RBFOX1: variants seen among roughly 807,000 people sequenced by gnomAD.
RBFOX1 encodes RNA binding protein fox-1 homolog 1.
In RBFOX1, 8 loss-of-function variants were observed where a neutral mutation model predicts 57.7. That is an observed-to-expected ratio of 0.14 (90% CI 0.08 to 0.25). RBFOX1 has a LOEUF of 0.25. Ranked by LOEUF, RBFOX1 falls within the 10% of genes least tolerant of loss-of-function variation. RBFOX1 has a pLI of 1.00. For missense variants in RBFOX1, 611 were observed against 548.5 expected (o/e 1.11, Z -1.14); for synonymous variants, 326 against 222.4 (o/e 1.47, Z -4.15).
intron 3 of RBFOX1, among the ~76,000 whole-genome samples, chr16:5,742,293 TGC>T: frequency 1.4e-5 from 2 of 140,304 alleles, no homozygotes; most frequent in African/African-American, 5.1e-5. Flanking sequence ...CCTCCCTTCC[TGC>T]CTCCCTCCCT....
At chr16:5,827,506 C>T (rs556158968) in intron 3 of RBFOX1, among the ~76,000 whole-genome samples, 2 of 152,048 alleles carry the variant, frequency 1.3e-5, no homozygotes, top group Non-Finnish European at 2.9e-5. Flanking sequence ...CGAGAACTCC[C>T]TCCCTCTACA....
At chr16:5,526,677 C>G (rs988630698) in intron 2 of RBFOX1, among the ~76,000 whole-genome samples, 1 of 152,182 alleles carries the variant, frequency 6.6e-6, no homozygotes, top group African/African-American at 2.4e-5. Context: ...CAGCCCAGGT[C>G]TGTTATGTTG....
chr16:5,689,221 C>G (rs2050595173), intron 3 of RBFOX1, among the ~76,000 whole-genome samples: 1 of 152,166 alleles, frequency 6.6e-6, no homozygotes, highest in African/African-American at 2.4e-5. Flanking sequence ...TTAAGGATTG[C>G]TTATCAGCTC....
At chr16:5,317,371 G>A (rs1008050839) in intron 1 of RBFOX1, among the ~76,000 whole-genome samples, 2 of 152,220 alleles carry the variant, frequency 1.3e-5, no homozygotes, top group Admixed American at 6.5e-5. Flanking sequence ...CAGTTTAGGA[G>A]GCTGAGGTGG....
At chr16:6,840,024 C>A (rs11642100) in intron 3 of RBFOX1, among the ~76,000 whole-genome samples, 1 of 151,780 alleles carries the variant, frequency 6.6e-6, no homozygotes, top group Admixed American at 6.6e-5. Context: ...AACTATGGAC[C>A]CTGGGAAGGA....
At chr16:5,376,346 T>A (rs955242246) in intron 1 of RBFOX1, among the ~76,000 whole-genome samples, 1 of 151,828 alleles carries the variant, frequency 6.6e-6, no homozygotes, top group Non-Finnish European at 1.5e-5. Context: ...TGCAGGTGGT[T>A]GTTTGTTGGG....
intron 4 of RBFOX1, among the ~76,000 whole-genome samples, chr16:7,267,829 C>T (rs576829585): frequency 2.0e-5 from 3 of 152,122 alleles, no homozygotes; most frequent in Non-Finnish European, 4.4e-5. Flanking sequence ...GCACTCCAGC[C>T]GGGGCAACAG....
At chr16:7,636,381 G>A (rs577389900) in intron 11 of RBFOX1, among the ~76,000 whole-genome samples, 6 of 152,192 alleles carry the variant, frequency 3.9e-5, no homozygotes, top group Admixed American at 3.9e-4. Context: ...TTACCTCTTT[G>A]AATTTCCAGT....
intron 2 of RBFOX1, among the ~76,000 whole-genome samples, chr16:6,651,068 A>G (rs1214060444): frequency 6.6e-6 from 1 of 152,138 alleles, no homozygotes; most frequent in Non-Finnish European, 1.5e-5. Flanking sequence ...AAGCCCAGCT[A>G]ATTCTGTATG....
chr16:7,158,281 G>C (rs1220393266), intron 4 of RBFOX1, among the ~76,000 whole-genome samples: 2 of 152,120 alleles, frequency 1.3e-5, no homozygotes, highest in Admixed American at 6.5e-5. Context: ...GGAAGGCGGA[G>C]GTTGCAGTGA....
intron 3 of RBFOX1, among the ~76,000 whole-genome samples, chr16:5,781,931 C>T (rs1253801354): frequency 6.6e-6 from 1 of 152,170 alleles, no homozygotes. Context: ...ACAGGCCAGG[C>T]GTGGTGGTTC....
At chr16:7,190,324 A>T (rs2085060151) in intron 4 of RBFOX1, among the ~76,000 whole-genome samples, 1 of 152,162 alleles carries the variant, frequency 6.6e-6, no homozygotes, top group African/African-American at 2.4e-5. Flanking sequence ...ACACCACCGT[A>T]CTCCAGCCTG....
chr16:6,214,168 C>G (rs1335341450), intron 1 of RBFOX1, among the ~76,000 whole-genome samples: 1 of 152,242 alleles, frequency 6.6e-6, no homozygotes, highest in African/African-American at 2.4e-5. Flanking sequence ...ATGTGTACCT[C>G]TCTCCTTCTC....
At chr16:6,746,784 A>G (rs548321236) in intron 3 of RBFOX1, among the ~76,000 whole-genome samples, 3 of 152,292 alleles carry the variant, frequency 2.0e-5, no homozygotes, top group South Asian at 4.2e-4. Context: ...ATCAATACTT[A>G]TATATTTATA....
intron 2 of RBFOX1, among the ~76,000 whole-genome samples, chr16:6,595,587 T>A (rs765858850): frequency 5.3e-5 from 8 of 152,150 alleles, no homozygotes; most frequent in Non-Finnish European, 8.8e-5. Context: ...CAAGTGGAAT[T>A]TCTGGGTCAT....
chr16:6,846,860 C>T (rs2093782451), intron 3 of RBFOX1, among the ~76,000 whole-genome samples: 2 of 151,146 alleles, frequency 1.3e-5, no homozygotes, highest in South Asian at 4.2e-4. Flanking sequence ...CTCATAAGTT[C>T]TAGTAAAGCC....
intron 4 of RBFOX1, among the ~76,000 whole-genome samples, chr16:7,167,538 G>C (rs1401063996): frequency 6.6e-6 from 1 of 152,144 alleles, no homozygotes; most frequent in Non-Finnish European, 1.5e-5. Context: ...TGCAGTCTTT[G>C]GAGGGAGTGC....
At chr16:7,631,658 G>T (rs2060983462) in intron 11 of RBFOX1, among the ~76,000 whole-genome samples, 1 of 152,146 alleles carries the variant, frequency 6.6e-6, no homozygotes, top group African/African-American at 2.4e-5. Flanking sequence ...CTGTTTCTCA[G>T]AGTAGTTGTA....
At chr16:6,797,782 C>A (rs756506985) in intron 3 of RBFOX1, among the ~76,000 whole-genome samples, 1 of 152,052 alleles carries the variant, frequency 6.6e-6, no homozygotes, top group Non-Finnish European at 1.5e-5. Context: ...TTTAAAAATC[C>A]AATATCATTT....
Sources: allele counts gnomAD v4.1 joint callset (sites outside exome capture counted in the v4.1 genomes callset), GRCh38; gene constraint gnomAD v4.1.1; transcripts MANE v1.5; gene names NCBI Gene and HGNC (gene_info 2026-07-23, HGNC 2026-07-21).